ATRNL1: variants seen among roughly 807,000 people sequenced by gnomAD.
The protein encoded by ATRNL1 is attractin like 1.
Under a neutral mutation model 182.7 loss-of-function variants are expected in ATRNL1, and 95 were observed. The ratio of observed to expected loss-of-function variants is 0.52; its 90% CI spans 0.44 to 0.62. The LOEUF is 0.62. ATRNL1 is among the 20% of genes least tolerant of loss of function. The pLI is 0.00. For missense variants in ATRNL1, 1,471 were observed against 1,679.5 expected, an observed-to-expected ratio of 0.88 and a Z score of 2.17; for synonymous variants, 576 against 568.3, an observed-to-expected ratio of 1.01 and a Z score of -0.19.
chr10:115,145,386 G>A (rs1180602377), intron 5 of ATRNL1, among the ~76,000 whole-genome samples: 2 of 151,784 alleles, frequency 1.3e-5, no homozygotes, highest in Admixed American at 6.6e-5. Flanking sequence ...TAAACAAGAG[G>A]GCAATTTGTT....
At chr10:115,436,131 A>G (rs1368806989) in intron 21 of ATRNL1, among the ~76,000 whole-genome samples, 1 of 152,144 alleles carries the variant, frequency 6.6e-6, no homozygotes, top group Non-Finnish European at 1.5e-5. Context: ...AAAAACTTTA[A>G]GTATCAGTCT....
intron 8 of ATRNL1, among the ~76,000 whole-genome samples, chr10:115,172,936 A>G (rs1436251946): frequency 6.6e-6 from 1 of 151,508 alleles, no homozygotes; most frequent in African/African-American, 2.4e-5. Context: ...AACTTCTGCC[A>G]GTGTAGCTTG....
At chr10:115,829,832 T>C (rs1950519924) in intron 27 of ATRNL1, among the ~76,000 whole-genome samples, 1 of 151,992 alleles carries the variant, frequency 6.6e-6, no homozygotes, top group African/African-American at 2.4e-5. Flanking sequence ...CGGAGAAGAG[T>C]TCCTTAGGCA....
chr10:115,163,981 G>A (rs2144032226), intron 6 of ATRNL1, among the ~76,000 whole-genome samples: 1 of 152,270 alleles, frequency 6.6e-6, no homozygotes. Context: ...TTCTTGTGAA[G>A]GGGCACTTGG....
intron 18 of ATRNL1, among the ~76,000 whole-genome samples, chr10:115,319,526 T>C (rs1287324559): frequency 1.3e-5 from 2 of 152,216 alleles, no homozygotes; most frequent in Non-Finnish European, 2.9e-5. Context: ...TCTAAGTCTC[T>C]TTGTAGGTCT....
At chr10:115,538,788 G>T (rs782503010) in intron 25 of ATRNL1, among the ~76,000 whole-genome samples, 18 of 152,048 alleles carry the variant, frequency 1.2e-4, no homozygotes, top group Non-Finnish European at 2.2e-4. Flanking sequence ...AGTTAACATA[G>T]ATTTCTTTCT....
chr10:115,178,906 T>C (rs1480393850), intron 8 of ATRNL1, among the ~76,000 whole-genome samples: 1 of 147,970 alleles, frequency 6.8e-6, no homozygotes, highest in Non-Finnish European at 1.5e-5. Context: ...TATGCTGTTT[T>C]TTATAGGTAC....
At chr10:115,201,438 T>C (rs1423048286) in intron 8 of ATRNL1, among the ~76,000 whole-genome samples, 3 of 152,174 alleles carry the variant, frequency 2.0e-5, no homozygotes, top group Non-Finnish European at 4.4e-5. Context: ...CAGTTTCAGC[T>C]TTCTACATAT....
chr10:115,530,067 T>G (rs1048746536), intron 25 of ATRNL1, among the ~76,000 whole-genome samples: 1 of 152,186 alleles, frequency 6.6e-6, no homozygotes, highest in African/African-American at 2.4e-5. Context: ...CTTTGTTTCT[T>G]TTTATTGCTG....
chr10:115,452,358 G>T (rs752587328), intron 21 of ATRNL1, among the ~76,000 whole-genome samples: 5 of 152,028 alleles, frequency 3.3e-5, no homozygotes, highest in Non-Finnish European at 5.9e-5. Context: ...CATAACAGAT[G>T]CTCTCTTGTA....
chr10:115,267,188 T>C (rs1851643359), intron 12 of ATRNL1, among the ~76,000 whole-genome samples, 183 bp downstream of exon 12: 1 of 151,014 alleles, frequency 6.6e-6, no homozygotes, highest in Non-Finnish European at 1.5e-5. Flanking sequence ...TTAGCTATTT[T>C]TAGCTTTATT....
intron 20 of ATRNL1, among the ~76,000 whole-genome samples, chr10:115,403,371 AGCCT>A (rs1227510157): frequency 6.6e-6 from 1 of 150,940 alleles, no homozygotes; most frequent in Non-Finnish European, 1.5e-5. Flanking sequence ...TTTTCTGTAC[AGCCT>A]GCCTGCACAT....
In ATRNL1 at chr10:115,400,368, G is replaced by A. The variant is rs555716458; in HGVS notation, c.3269+5616G>A. Among the ~76,000 whole-genome samples, 17 of 152,214 alleles carry A rather than the reference G, an allele frequency of 1.1e-4. No individual in the cohort carries two copies. The South Asian group carries it at 1.9e-3, about 17-fold the overall frequency. ...AAAAGTGTTTTAATTCTAATTATGTGATTGATTTTAGAGTATATGCCATGC... is the reference window on the plus strand; with the variant it reads ...AAAAGTGTTTTAATTCTAATTATGTAATTGATTTTAGAGTATATGCCATGC... On this transcript the variant is annotated intron_variant, in intron 20 of 28. Coordinates refer to ENST00000355044, the MANE Select transcript of ATRNL1 (RefSeq NM_207303.4).
chr10:115,195,377 A>G (rs187147749), intron 8 of ATRNL1, among the ~76,000 whole-genome samples: 237 of 152,182 alleles, frequency 1.6e-3, no homozygotes, highest in Admixed American at 4.5e-3. Context: ...GGATATATAT[A>G]ACTTTCTAGG....
chr10:115,273,954 G>C (rs903608746), intron 13 of ATRNL1, among the ~76,000 whole-genome samples: 1 of 152,166 alleles, frequency 6.6e-6, no homozygotes, highest in Non-Finnish European at 1.5e-5. Flanking sequence ...CCCAGTTCAT[G>C]ATGGGCTGAA....
At chr10:115,473,650 T>G (rs78159853) in intron 24 of ATRNL1, among the ~76,000 whole-genome samples, 2,086 of 151,400 alleles carry the variant, frequency 0.014, 45 homozygotes, top group African/African-American at 0.048. Flanking sequence ...GATGGCTTGG[T>G]GTTAATGCTT....
At chr10:115,752,645 C>T (rs1948479680) in intron 27 of ATRNL1, among the ~76,000 whole-genome samples, 1 of 151,992 alleles carries the variant, frequency 6.6e-6, no homozygotes, top group Non-Finnish European at 1.5e-5. Context: ...TAAGCAAGTA[C>T]TATGTTGTAT....
At chr10:115,730,407 C>T (rs75016817) in intron 27 of ATRNL1, among the ~76,000 whole-genome samples, 5,131 of 152,064 alleles carry the variant, frequency 0.034, 273 homozygotes, top group African/African-American at 0.11. Context: ...GTTCTCTTCT[C>T]CACAGCTTTA....
intron 26 of ATRNL1, among the ~76,000 whole-genome samples, chr10:115,562,351 A>C (rs1555000020): frequency 6.6e-6 from 1 of 152,166 alleles, no homozygotes; most frequent in Admixed American, 6.6e-5. Context: ...TAATGGGTAC[A>C]TGGGTTCTTT....
Sources: gnomAD v4.1 joint callset for allele counts (sites outside exome capture counted in the v4.1 genomes callset) on GRCh38, gnomAD v4.1.1 for gene constraint, MANE v1.5 for transcripts, NCBI Gene and HGNC (gene_info 2026-07-23, HGNC 2026-07-21) for gene names.